VIT: variants seen among roughly 807,000 people sequenced by gnomAD.
The protein encoded by VIT is vitrin.
Under a neutral mutation model 78.0 loss-of-function variants are expected in VIT, and 99 were observed. The ratio of observed to expected loss-of-function variants is 1.27; its 90% confidence interval spans 1.08 to 1.50. The LOEUF is 1.50. VIT is among the 40% of genes most tolerant of loss of function. The pLI, the probability that VIT is intolerant of heterozygous loss-of-function variation, is 0.00. For synonymous variants in VIT, 374 were observed against 334.3 expected, an observed-to-expected ratio of 1.12 and a Z score of -1.29; for missense variants, 1,126 against 875.3, an observed-to-expected ratio of 1.29 and a Z score of -3.61.
At chr2:36,702,554 T>C (rs1665131536) in intron 1 of VIT, among the ~76,000 whole-genome samples, 1 of 152,222 alleles carries the variant, frequency 6.6e-6, no homozygotes, top group Non-Finnish European at 1.5e-5. Context: ...AGGCTTGCTT[T>C]CTGCAGTGGA....
At position 36,781,749 on chromosome 2, in the gene VIT, T is replaced by G. The variant is rs1001828408; in HGVS notation, c.825T>G (p.Pro275=). 2 of 1,614,062 alleles carry G rather than the reference T, an allele frequency of 1.2e-6. No homozygotes were observed. The highest frequency in any genetic ancestry group is 2.7e-5 in the African/African-American group (2 of 74,924). The part of the protein sequence containing the change: ...VSLGEMDSWK[P]GSVLLDEGLV... ...CAGGAGAGATGGACTCATGGAAACC[T>G]GGATCGGTCCTTTTAGATGAAGGTA... The change falls in exon 10 of 16, where the codon CCT becomes CCG. Residue 275 remains proline, a synonymous_variant. Transcript: ENST00000379242.
In VIT at chr2:36,783,303, C is replaced by T. The variant is rs868487488; in HGVS notation, c.848-37C>T. ...TGGGGTAAGGCCAGCTGCTTCCTTTCCTTGTAAGTCACCAAAAGTTTTACT... is the reference window on the plus strand; with the variant it reads ...TGGGGTAAGGCCAGCTGCTTCCTTTTCTTGTAAGTCACCAAAAGTTTTACT... On this transcript the variant is annotated intron_variant, in intron 10 of 15. Transcript: ENST00000379242. The T allele has an allele frequency of 2.5e-6, 4 of 1,611,534 alleles. 1 individual carries two copies. In the Middle Eastern group the frequency reaches 6.9e-4, roughly 278 times the overall value.
intron 7 of VIT, among the ~76,000 whole-genome samples, chr2:36,768,342 G>C (rs1212216198): frequency 6.6e-6 from 1 of 152,148 alleles, no homozygotes; most frequent in East Asian, 1.9e-4. Flanking sequence ...TGAAGCTGGA[G>C]AGTCGCTTGA....
At chr2:36,786,427 G>T (rs1665098492) in intron 11 of VIT, among the ~76,000 whole-genome samples, 1 of 152,092 alleles carries the variant, frequency 6.6e-6, no homozygotes, top group South Asian at 2.1e-4. Context: ...AAAAGAGCTT[G>T]CAGCCCATCC....
chr2:36,756,295 C>T (rs967866847), intron 5 of VIT, among the ~76,000 whole-genome samples: 2 of 152,134 alleles, frequency 1.3e-5, no homozygotes, highest in Non-Finnish European at 2.9e-5. Context: ...GTACCCTACT[C>T]TAAACCTGAA....
At chr2:36,710,623 G>T (rs1348401696) in intron 1 of VIT, among the ~76,000 whole-genome samples, 1 of 151,736 alleles carries the variant, frequency 6.6e-6, no homozygotes, top group Non-Finnish European at 1.5e-5. Flanking sequence ...AGTTTCTGAT[G>T]CAGTGTAATG....
At position 36,776,578 on chromosome 2, in the gene VIT, A is replaced by C. The variant is rs112687811; in HGVS notation, c.802+1511A>C. On this transcript the variant is annotated intron_variant, in intron 9 of 15. Transcript: ENST00000379242. ...CACTTTGGGAGGCCAAGGCAGGTGG[A>C]TCATTTGAGCTCAAGAGTTCGAGAC... Among the ~76,000 whole-genome samples, 593 of 152,182 alleles carry C rather than the reference A, an allele frequency of 3.9e-3. 11 individuals are homozygous for C. The highest frequency in any genetic ancestry group is 0.014 in the African/African-American group (563 of 41,508).
At chr2:36,795,003 G>A (rs1410073881) in intron 12 of VIT, among the ~76,000 whole-genome samples, 2 of 152,098 alleles carry the variant, frequency 1.3e-5, no homozygotes, top group African/African-American at 4.8e-5. Flanking sequence ...ACCTCCACTG[G>A]GGATGAACCG....
At chr2:36,727,871 A>G (rs1666949146) in intron 2 of VIT, among the ~76,000 whole-genome samples, 1 of 152,256 alleles carries the variant, frequency 6.6e-6, no homozygotes. Context: ...CATCATGTAC[A>G]GTACATAATA....
intron 12 of VIT, among the ~76,000 whole-genome samples, chr2:36,788,790 C>T (rs145159508): frequency 6.6e-6 from 1 of 152,140 alleles, no homozygotes; most frequent in African/African-American, 2.4e-5. Flanking sequence ...AAAATAGCTG[C>T]TTTAAAAGCT....
At chr2:36,747,418 A>G (rs1073315) in intron 4 of VIT, among the ~76,000 whole-genome samples, 139,151 of 152,224 alleles carry the variant, frequency 0.91, 64,867 homozygotes, top group East Asian at 1. Context: ...CTATTATCAC[A>G]TGGCTGTCTA....
At chr2:36,716,532 T>C in intron 2 of VIT, 110 bp downstream of exon 2, 3 of 847,830 alleles carry the variant, frequency 3.5e-6, no homozygotes, top group Admixed American at 2.6e-5. Flanking sequence ...AACAATACAG[T>C]GTATCATTTT....
chr2:36,747,116 T>C (rs1365676463), intron 4 of VIT, among the ~76,000 whole-genome samples: 1 of 152,172 alleles, frequency 6.6e-6, no homozygotes, highest in Non-Finnish European at 1.5e-5. Flanking sequence ...CTTTGAGAGA[T>C]CTTCTTGGTA....
intron 15 of VIT, 25 bp from the exon 16 acceptor site, chr2:36,814,158 G>C (rs749721584): frequency 1.2e-6 from 2 of 1,603,644 alleles, no homozygotes; most frequent in East Asian, 2.2e-5. Context: ...GGGGACATTT[G>C]TTCATCTAAC....
rs563659215 is a variant in VIT at position 36,729,393 on chromosome 2, T to C, written c.53-33T>C. ...GAGAAAGAATTTAAGTAAAATAAAA[T>C]TGATTAAATTTTTAAAAATTTTCTT... On this transcript the variant is annotated intron_variant, in intron 2 of 15. Transcript: ENST00000379242. The C allele has an allele frequency of 4.7e-5, 73 of 1,551,084 alleles. 3 individuals carry two copies. The South Asian group carries it at 7.9e-4, about 17-fold the overall frequency.
At chr2:36,759,497 C>T (rs552502977) in intron 6 of VIT, 1 of 1,150,228 alleles carries the variant, frequency 8.7e-7, no homozygotes, top group South Asian at 2.1e-5. Flanking sequence ...AATACACTGT[C>T]TACAAGGTTG....
chr2:36,714,323 T>C (rs573119639), intron 1 of VIT, among the ~76,000 whole-genome samples: 1 of 152,378 alleles, frequency 6.6e-6, no homozygotes, highest in East Asian at 1.9e-4. Flanking sequence ...TAGCTAGTAC[T>C]AGATGGTGAT....
At chr2:36,752,439 A>G (rs1162647677) in intron 4 of VIT, among the ~76,000 whole-genome samples, 1 of 152,196 alleles carries the variant, frequency 6.6e-6, no homozygotes, top group African/African-American at 2.4e-5. Context: ...CACTGCAATC[A>G]GGGAGGAGGT....
chr2:36,731,960 C>T (rs1216344036), intron 3 of VIT, among the ~76,000 whole-genome samples: 1 of 152,126 alleles, frequency 6.6e-6, no homozygotes, highest in African/African-American at 2.4e-5. Context: ...TGTGAGATTT[C>T]CTGTTGAAAT....
Sources: gnomAD v4.1 joint callset for allele counts (sites outside exome capture counted in the v4.1 genomes callset) on GRCh38, gnomAD v4.1.1 for gene constraint, MANE v1.5 for transcripts, NCBI Gene and HGNC (gene_info 2026-07-23, HGNC 2026-07-21) for gene names.